EXOC6B: variants seen among roughly 807,000 people sequenced by gnomAD.
EXOC6B encodes exocyst complex component 6B.
In EXOC6B, 54 loss-of-function variants were observed where a neutral mutation model predicts 113.5. That is an observed-to-expected ratio of 0.48 (90% CI 0.38 to 0.60). The LOEUF is 0.60. EXOC6B is among the 20% of genes least tolerant of loss of function. EXOC6B has a pLI of 0.00. For missense variants in EXOC6B, 797 were observed against 977.5 expected (o/e 0.82, Z 2.46); for synonymous variants, 357 against 339.0 (o/e 1.05, Z -0.58).
At chr2:72,324,018 A>C (rs1387006094) in intron 20 of EXOC6B, among the ~76,000 whole-genome samples, 1 of 152,142 alleles carries the variant, frequency 6.6e-6, no homozygotes, top group Admixed American at 6.6e-5. Flanking sequence ...GATTTAAAAA[A>C]AAAGTTAAAT....
At chr2:72,711,696 G>A (rs1021402822) in intron 6 of EXOC6B, among the ~76,000 whole-genome samples, 2 of 152,054 alleles carry the variant, frequency 1.3e-5, no homozygotes, top group Non-Finnish European at 2.9e-5. Flanking sequence ...CTTGCACTTT[G>A]GAGCCATTAT....
chr2:72,762,297 C>T (rs961480827), intron 1 of EXOC6B, among the ~76,000 whole-genome samples: 2 of 148,690 alleles, frequency 1.3e-5, no homozygotes, highest in African/African-American at 2.5e-5. Flanking sequence ...TAAAGTAATA[C>T]ATTTAAATCT....
At position 72,593,845 on chromosome 2, in the gene EXOC6B, A is replaced by G. The variant is rs370975299; in HGVS notation, c.670-18177T>C. Reference sequence around the variant, plus strand: ...GATGTAAACTACTAAAGCTAACTCAAAAAGAAAATGATAAACTGAATAGCC... The same window carrying G: ...GATGTAAACTACTAAAGCTAACTCAGAAAGAAAATGATAAACTGAATAGCC... On this transcript the variant is annotated intron_variant, in intron 6 of 21. Coordinates refer to ENST00000272427, the MANE Select transcript of EXOC6B (RefSeq NM_015189.3). Among the ~76,000 whole-genome samples the G allele has an allele frequency of 1.8e-4, 27 of 152,354 alleles. No homozygotes were observed. In the East Asian group the frequency reaches 3.1e-3, roughly 17 times the overall value.
chr2:72,787,465 G>T (rs1265803426), intron 1 of EXOC6B, among the ~76,000 whole-genome samples: 1 of 151,990 alleles, frequency 6.6e-6, no homozygotes, highest in Non-Finnish European at 1.5e-5. Context: ...CTCCCAAAGT[G>T]CTGGGATTAC....
At chr2:72,469,383 A>T (rs987965645) in intron 17 of EXOC6B, among the ~76,000 whole-genome samples, 6 of 151,976 alleles carry the variant, frequency 3.9e-5, no homozygotes, top group African/African-American at 1.2e-4. Context: ...CTACGGTGTA[A>T]GTATAGATTA....
chr2:72,262,130 G>C (rs1683767645), intron 20 of EXOC6B, among the ~76,000 whole-genome samples: 1 of 152,100 alleles, frequency 6.6e-6, no homozygotes, highest in African/African-American at 2.4e-5. Flanking sequence ...ATGGATAACA[G>C]AGTTTTTGTG....
chr2:72,281,648 G>T (rs972891823), intron 20 of EXOC6B, among the ~76,000 whole-genome samples: 1 of 152,160 alleles, frequency 6.6e-6, no homozygotes, highest in African/African-American at 2.4e-5. Context: ...TACAGTCCCA[G>T]TGGAAGATGG....
chr2:72,724,994 C>CA (rs370259387), intron 5 of EXOC6B, among the ~76,000 whole-genome samples: 12 of 151,752 alleles, frequency 7.9e-5, no homozygotes, highest in Non-Finnish European at 1.6e-4. Flanking sequence ...GGGAAAAGGA[C>CA]AAAAAAAGAG....
At position 72,499,524 on chromosome 2, in the gene EXOC6B, C is replaced by T. The variant is rs184013615; in HGVS notation, c.1239+377G>A. Among the ~76,000 whole-genome samples the T allele has an allele frequency of 2.0e-5, 3 of 149,448 alleles. No homozygotes were observed. The East Asian group carries it at 5.8e-4, about 29-fold the overall frequency. On this transcript the variant is annotated intron_variant, in intron 12 of 21. Transcript: ENST00000272427. ...GAAATAACAGGCGTGAGGTACTGCA[C>T]CCAGTCAGATTTTTTTTTTTTTTTT...
chr2:72,320,580 A>G (rs1255473987), intron 20 of EXOC6B, among the ~76,000 whole-genome samples: 1 of 152,184 alleles, frequency 6.6e-6, no homozygotes, highest in Non-Finnish European at 1.5e-5. Context: ...AACCCAAAAC[A>G]TATCATCATA....
chr2:72,480,982 T>C (rs914460368), intron 16 of EXOC6B, among the ~76,000 whole-genome samples: 5 of 152,196 alleles, frequency 3.3e-5, no homozygotes, highest in African/African-American at 1.2e-4. Context: ...GTAATCTCCA[T>C]AATCCCATGT....
chr2:72,520,214 C>A (rs372207159), intron 8 of EXOC6B, among the ~76,000 whole-genome samples: 2 of 152,124 alleles, frequency 1.3e-5, no homozygotes, highest in African/African-American at 4.8e-5. Flanking sequence ...AACTGGTATG[C>A]AATTTTCAAT....
intron 18 of EXOC6B, among the ~76,000 whole-genome samples, chr2:72,458,144 T>C (rs1026499499): frequency 8.5e-5 from 13 of 152,134 alleles, no homozygotes; most frequent in African/African-American, 2.7e-4. Flanking sequence ...AATCAATCCC[T>C]CTCTGAGAGA....
chr2:72,300,872 A>G (rs1255137487), intron 20 of EXOC6B, among the ~76,000 whole-genome samples: 3 of 152,144 alleles, frequency 2.0e-5, no homozygotes, highest in Non-Finnish European at 2.9e-5. Flanking sequence ...CTGTCCAACC[A>G]GTCCCAATGA....
intron 19 of EXOC6B, among the ~76,000 whole-genome samples, chr2:72,338,746 T>C (rs1688846811): frequency 6.6e-6 from 1 of 152,044 alleles, no homozygotes; most frequent in Non-Finnish European, 1.5e-5. Context: ...TAAAATATAA[T>C]ACGCACAGAA....
At chr2:72,321,327 G>C (rs1443823631) in intron 20 of EXOC6B, among the ~76,000 whole-genome samples, 1 of 152,084 alleles carries the variant, frequency 6.6e-6, no homozygotes, top group African/African-American at 2.4e-5. Context: ...CTGAGGTCAG[G>C]AGTTCAAGAC....
At chr2:72,626,921 G>C (rs1251737780) in intron 6 of EXOC6B, among the ~76,000 whole-genome samples, 1 of 152,150 alleles carries the variant, frequency 6.6e-6, no homozygotes, top group Non-Finnish European at 1.5e-5. Context: ...TTTTAATTAA[G>C]AGGATTCTGG....
chr2:72,504,323 T>C (rs527375798), intron 11 of EXOC6B, among the ~76,000 whole-genome samples: 27 of 152,324 alleles, frequency 1.8e-4, no homozygotes, highest in African/African-American at 6.0e-4. Context: ...CATTCTCCTA[T>C]TGTCCTTAAT....
At chr2:72,335,578 AC>A (rs1688650368) in intron 19 of EXOC6B, among the ~76,000 whole-genome samples, 1 of 144,586 alleles carries the variant, frequency 6.9e-6, no homozygotes, top group Non-Finnish European at 1.6e-5. Context: ...ACACACACAC[AC>A]ACACACACAC....
Sources: allele counts gnomAD v4.1 joint callset (sites outside exome capture counted in the v4.1 genomes callset), GRCh38; gene constraint gnomAD v4.1.1; transcripts MANE v1.5; gene names NCBI Gene and HGNC (gene_info 2026-07-23, HGNC 2026-07-21).